Variants in CIB1 observed in about 807,000 individuals in gnomAD.
CIB1 encodes calcium and integrin binding 1.
A neutral mutation model predicts 25.0 loss-of-function variants in CIB1; 19 were observed. The observed-to-expected ratio is 0.76, with a 90% CI of 0.53 to 1.12. The LOEUF (loss-of-function observed/expected upper bound fraction) is 1.12. CIB1 is among the 50% of genes most tolerant of loss of function. The pLI is 0.00. For missense variants in CIB1, 236 were observed against 242.6 expected (o/e 0.97, Z 0.18); for synonymous variants, 104 against 98.5 (o/e 1.06, Z -0.33).
At chr15:90,262,761 C>T in the CIB1 span, 1 of 1,277,136 alleles carries the variant, frequency 7.8e-7, no homozygotes, top group East Asian at 2.6e-5. Flanking sequence ...TTCTCCTCCC[C>T]ATGCACAAGA....
At chr15:90,235,857 C>T (rs532822624), upstream of CIB1, among the ~76,000 whole-genome samples, 15 of 151,930 alleles carry the variant, frequency 9.9e-5, no homozygotes, top group East Asian at 3.9e-4. Flanking sequence ...CGTGACCCAC[C>T]GTGCCCGGCC....
At chr15:90,255,853 C>T in the CIB1 span, 21 of 1,614,196 alleles carry the variant, frequency 1.3e-5, no homozygotes, top group East Asian at 4.5e-5. Context: ...CTGAGTACAA[C>T]ATCTTCCCCC....
chr15:90,262,188 C>A, the CIB1 span: 1 of 1,529,888 alleles, frequency 6.5e-7, no homozygotes, highest in South Asian at 1.2e-5. Flanking sequence ...GAGGAGTGTG[C>A]CAGGTACTTT....
At chr15:90,236,566 A>AC (rs1237549715), upstream of CIB1, among the ~76,000 whole-genome samples, 1 of 151,798 alleles carries the variant, frequency 6.6e-6, no homozygotes, top group Non-Finnish European at 1.5e-5. Context: ...ATGGAGTCTC[A>AC]CTCTGTCACC....
the CIB1 span, chr15:90,240,961 A>G: frequency 6.2e-6 from 10 of 1,613,908 alleles, no homozygotes; most frequent in African/African-American, 1.3e-5. Flanking sequence ...CCTCCCAACA[A>G]TGAGGACTGG....
At chr15:90,251,682 G>C in the CIB1 span, 1 of 1,487,946 alleles carries the variant, frequency 6.7e-7, no homozygotes, top group Non-Finnish European at 9.4e-7. Flanking sequence ...CCCCGATCAG[G>C]CTTCCAGCCC....
the CIB1 span, chr15:90,264,613 C>A: frequency 7.8e-7 from 1 of 1,284,796 alleles, no homozygotes; most frequent in Non-Finnish European, 1.1e-6. Flanking sequence ...TGGAGGGAAG[C>A]ATGAGATGCC....
chr15:90,252,040 A>ATTGTTTTTTTT, the CIB1 span, among the ~76,000 whole-genome samples: 7 of 101,862 alleles, frequency 6.9e-5, no homozygotes, highest in African/African-American at 2.4e-4. Context: ...TGCTCACCTA[A>ATTGTTTTTTTT]TTCTTTTTTT....
At chr15:90,231,252 G>A (rs1962480760) in intron 4 of CIB1, 39 bp from the exon 5 acceptor site, 2 of 1,608,750 alleles carry the variant, frequency 1.2e-6, no homozygotes, top group Non-Finnish European at 1.7e-6. Context: ...ACACGGTTGG[G>A]AGGGGCTCTG....
chr15:90,241,729 G>T, the CIB1 span: 21 of 1,614,138 alleles, frequency 1.3e-5, no homozygotes, highest in East Asian at 1.3e-4. Context: ...AGCAGGGTAT[G>T]TCGGGCCACT....
the CIB1 span, among the ~76,000 whole-genome samples, chr15:90,247,083 C>A: frequency 6.6e-6 from 1 of 151,514 alleles, no homozygotes; most frequent in Admixed American, 6.6e-5. Flanking sequence ...TCAAGCAATT[C>A]TCCTGCCTAG....
chr15:90,262,779 G>A, the CIB1 span: 1 of 1,234,776 alleles, frequency 8.1e-7, no homozygotes, highest in East Asian at 2.6e-5. Context: ...AGAGAGAGAG[G>A]AGTTCCTAAT....
At chr15:90,246,630 A>G in the CIB1 span, among the ~76,000 whole-genome samples, 1 of 151,258 alleles carries the variant, frequency 6.6e-6, no homozygotes, top group Non-Finnish European at 1.5e-5. Flanking sequence ...CTCTCTGAAA[A>G]TACAAAAATT....
the CIB1 span, among the ~76,000 whole-genome samples, chr15:90,239,953 G>A: frequency 2.6e-5 from 4 of 152,110 alleles, no homozygotes; most frequent in East Asian, 5.8e-4. Context: ...GCTGGGCGCA[G>A]TGGCTCACAC....
the CIB1 span, chr15:90,264,103 C>T: frequency 4.2e-3 from 5,181 of 1,243,330 alleles, 188 homozygotes; most frequent in African/African-American, 0.067. Context: ...ATATGTAAAT[C>T]CCACTAGCAA....
At position 90,231,472 on chromosome 15, in the gene CIB1, G is replaced by A; in HGVS notation, c.231C>T (p.Phe77=). The change falls in exon 4 of 7, where the codon TTC becomes TTT. Residue 77 remains phenylalanine (F), a synonymous_variant. Transcript: ENST00000328649. ...NPFKERICRV[F]STSPAKDSLS... ...GGCTGTCTTTGGCTGGGGATGTGGA[G>A]AAGACCCTGCAGATTCGCTCCTTGA... 1 of 1,614,206 alleles carries A rather than the reference G, an allele frequency of 6.2e-7. No homozygotes were observed. The highest frequency in any genetic ancestry group is 2.2e-5 in the East Asian group (1 of 44,890).
chr15:90,264,055 A>G, the CIB1 span: 23 of 1,529,572 alleles, frequency 1.5e-5, no homozygotes, highest in Non-Finnish European at 1.9e-5. Context: ...CAGGCTCACT[A>G]GCCGTAAGTA....
Position 90,233,924 on chromosome 15 carries a change from G to C in CIB1, c.-39C>G. The C allele has an allele frequency of 6.9e-7, 1 of 1,447,336 alleles. No homozygotes were observed. The highest frequency in any genetic ancestry group is 9.0e-7 in the Non-Finnish European group (1 of 1,105,230). 89.7% of individuals were successfully genotyped at this position (1,447,336 alleles called of 1,614,324 possible). The stretch of plus-strand genomic sequence containing the variant: ...GCACAGCTCCGCCAACTCGCCTCGA[G>C]ACGCAGACAACTTTCTCACTTCCGC... On this transcript the variant is annotated 5_prime_UTR_variant, in exon 1 of 7. Coordinates refer to ENST00000328649, the MANE Select transcript of CIB1 (RefSeq NM_006384.4).
chr15:90,256,900 C>A, the CIB1 span, among the ~76,000 whole-genome samples: 7 of 152,052 alleles, frequency 4.6e-5, no homozygotes, highest in African/African-American at 1.7e-4. Flanking sequence ...CTTGGCCAGG[C>A]TGGTCTTGAA....
Sources: allele counts gnomAD v4.1 joint callset (sites outside exome capture counted in the v4.1 genomes callset), GRCh38; gene constraint gnomAD v4.1.1; transcripts MANE v1.5; gene names NCBI Gene and HGNC (gene_info 2026-07-23, HGNC 2026-07-21).